The following NUP93 variants were observed in gnomAD, a reference collection of about 807,000 sequenced individuals.
The protein encoded by NUP93 is nucleoporin 93, also known as nuclear pore complex protein Nup93.
Under a neutral mutation model 107.8 loss-of-function variants are expected in NUP93, and 55 were observed. The observed-to-expected ratio is 0.51, with a 90% CI of 0.41 to 0.64. The LOEUF is 0.64. Among genes scored for constraint, NUP93 ranks in the 30% least tolerant of loss-of-function variants. The probability of loss-of-function intolerance (pLI) is 0.00; values close to 1 mark genes in which losing one functional copy is unlikely to be tolerated. For synonymous variants in NUP93, 390 were observed against 397.5 expected, an observed-to-expected ratio of 0.98 and a Z score of 0.22; for missense variants, 937 against 1,044.7, an observed-to-expected ratio of 0.90 and a Z score of 1.42.
chr16:56,846,699 G>A lies in NUP93; in HGVS notation c.*2090G>A, dbSNP rs1230401011. 6.6e-6 allele frequency: 1 copy of A among 152,196 alleles called. No individual in the cohort carries two copies. The highest frequency in any genetic ancestry group is 1.5e-5 in the Non-Finnish European group (1 of 68,030). The allele number at this position is 152,196 out of a possible 1,614,324, so 9.4% of individuals were successfully genotyped here. ...CACTCCAGCCTAGGCGATGGAGTGA[G>A]GCTCTGATTCAAAAATAAAAATAAG... On this transcript the variant is annotated 3_prime_UTR_variant, in exon 22 of 22. Transcript: ENST00000308159.
chr16:56,764,130 T>C (rs556701534), intron 3 of NUP93, among the ~76,000 whole-genome samples: 1 of 152,352 alleles, frequency 6.6e-6, no homozygotes, highest in African/African-American at 2.4e-5. Flanking sequence ...ATGTAGAATA[T>C]GCTCAAACCA....
In NUP93 at chr16:56,844,622, G is replaced by A; in HGVS notation, c.*13G>A. The A allele has an allele frequency of 1.3e-6, 2 of 1,571,330 alleles. No homozygotes were observed. The highest frequency in any genetic ancestry group is 2.3e-5 in the South Asian group (2 of 86,362). ...CCTCATGAATTAAGTGCCATGCTTT[G>A]TGGGAGTCTGGGTCGGCACACTGTC... On this transcript the variant is annotated 3_prime_UTR_variant, in exon 22 of 22. Coordinates refer to ENST00000308159, the MANE Select transcript of NUP93 (RefSeq NM_014669.5).
chr16:56,794,694 C>G (rs373364107), intron 3 of NUP93, among the ~76,000 whole-genome samples: 3 of 151,348 alleles, frequency 2.0e-5, no homozygotes, highest in African/African-American at 7.3e-5. Flanking sequence ...TTTGGGAGGC[C>G]GAGGCGGGTG....
intron 2 of NUP93, among the ~76,000 whole-genome samples, chr16:56,752,598 A>G (rs1483394499): frequency 6.6e-6 from 1 of 152,218 alleles, no homozygotes; most frequent in East Asian, 1.9e-4. Flanking sequence ...TGCAGATTCA[A>G]CACAGTCTCT....
Position 56,820,160 on chromosome 16 carries a change from G to A in NUP93, c.565-1344G>A, listed in dbSNP as rs567927335. 2.7e-4 allele frequency among the ~76,000 whole-genome samples: 41 copies of A among 152,258 alleles called. 1 individual carries two copies. Among genetic ancestry groups the A allele is most frequent in the South Asian group, 1.7e-3 (8 of 4,828 alleles). On this transcript the variant is annotated intron_variant, in intron 6 of 21. Coordinates refer to ENST00000308159, the MANE Select transcript of NUP93 (RefSeq NM_014669.5). ...AACATTTCATAGCACATACAACACC[G>A]TAATATTGTGTCTGTTTACACGGCT... is the stretch of plus-strand genomic sequence containing the variant.
At chr16:56,810,869 C>A (rs186188340) in intron 5 of NUP93, among the ~76,000 whole-genome samples, 3 of 152,212 alleles carry the variant, frequency 2.0e-5, no homozygotes, top group African/African-American at 7.2e-5. Context: ...ATTAATTTTG[C>A]CTGTTTTTGA....
At chr16:56,740,609 C>G (rs1961715220) in intron 1 of NUP93, 1 of 219,918 alleles carries the variant, frequency 4.5e-6, no homozygotes, top group African/African-American at 2.4e-5. Flanking sequence ...ACACTCCTCA[C>G]TTCCCAGACG....
At chr16:56,764,807 T>A (rs768262361) in intron 3 of NUP93, among the ~76,000 whole-genome samples, 22 of 152,236 alleles carry the variant, frequency 1.4e-4, no homozygotes, top group Non-Finnish European at 4.4e-5. Context: ...CAGTAAAATT[T>A]CTTAGCTTGA....
intron 3 of NUP93, among the ~76,000 whole-genome samples, chr16:56,768,641 C>A (rs547336463): frequency 5.3e-5 from 8 of 150,712 alleles, no homozygotes; most frequent in Admixed American, 6.6e-5. Flanking sequence ...CCAAGGCGGG[C>A]GGATCACAAG....
At chr16:56,800,873 TTTATGAAAATG>T (rs1963005356) in intron 4 of NUP93, among the ~76,000 whole-genome samples, 1 of 152,240 alleles carries the variant, frequency 6.6e-6, no homozygotes, top group African/African-American at 2.4e-5. Flanking sequence ...CCCTCTTCCC[TTTATGAAAATG>T]GGGTTCAAAT....
intron 3 of NUP93, among the ~76,000 whole-genome samples, chr16:56,790,522 T>C (rs1249342069): frequency 6.6e-6 from 1 of 152,218 alleles, no homozygotes; most frequent in African/African-American, 2.4e-5. Flanking sequence ...GTAGGATTTC[T>C]GTTGTGCTCA....
chr16:56,773,164 T>A (rs1260211752), intron 3 of NUP93, among the ~76,000 whole-genome samples: 1 of 152,148 alleles, frequency 6.6e-6, no homozygotes. Flanking sequence ...GATGATTGAT[T>A]ATACATTAAA....
intron 6 of NUP93, among the ~76,000 whole-genome samples, chr16:56,820,375 T>C (rs1374530382): frequency 1.3e-5 from 2 of 152,226 alleles, no homozygotes; most frequent in African/African-American, 4.8e-5. Context: ...AGTGGTGCGA[T>C]CTCAGCTCAC....
Position 56,826,374 on chromosome 16 carries a change from T to A in NUP93, c.794+2528T>A, listed in dbSNP as rs147276908. On this transcript the variant is annotated intron_variant, in intron 8 of 21. Transcript: ENST00000308159. ...TAAAAATACAAAAATTAGCTGGGTGTGGTGGTGTGCACCTGGCGCAAGTCC... is the reference window on the plus strand; with the variant it reads ...TAAAAATACAAAAATTAGCTGGGTGAGGTGGTGTGCACCTGGCGCAAGTCC... 4.8e-3 allele frequency among the ~76,000 whole-genome samples: 725 copies of A among 152,162 alleles called. 4 individuals carry two copies. Among genetic ancestry groups the A allele is most frequent in the African/African-American group, 0.017 (699 of 41,506 alleles).
At chr16:56,811,571 C>T (rs570839054) in intron 5 of NUP93, among the ~76,000 whole-genome samples, 1 of 151,506 alleles carries the variant, frequency 6.6e-6, no homozygotes, top group Non-Finnish European at 1.5e-5. Flanking sequence ...AGTGGAATGG[C>T]GTGATTCTCG....
At chr16:56,786,346 A>G (rs1448994008) in intron 3 of NUP93, among the ~76,000 whole-genome samples, 1 of 152,236 alleles carries the variant, frequency 6.6e-6, no homozygotes, top group Admixed American at 6.5e-5. Context: ...TCAAGGTCAT[A>G]CATCTGGAAA....
intron 4 of NUP93, among the ~76,000 whole-genome samples, chr16:56,803,364 C>T (rs1963062475): frequency 6.6e-6 from 1 of 151,970 alleles, no homozygotes; most frequent in African/African-American, 2.4e-5. Flanking sequence ...ACTTGGGAGG[C>T]TGAGGTGGGA....
chr16:56,772,358 C>T (rs114003867), intron 3 of NUP93, among the ~76,000 whole-genome samples: 1,763 of 152,286 alleles, frequency 0.012, 35 homozygotes, highest in African/African-American at 0.04. Context: ...GTTTGGACTC[C>T]GGATTCTTTA....
chr16:56,779,622 C>G (rs1400088604), intron 3 of NUP93, among the ~76,000 whole-genome samples: 3 of 152,168 alleles, frequency 2.0e-5, no homozygotes, highest in Non-Finnish European at 4.4e-5. Flanking sequence ...CACTTCTGCT[C>G]AGAGGTCCTT....
Sources: allele counts gnomAD v4.1 joint callset (sites outside exome capture counted in the v4.1 genomes callset), GRCh38; gene constraint gnomAD v4.1.1; transcripts MANE v1.5; gene names NCBI Gene and HGNC (gene_info 2026-07-23, HGNC 2026-07-21).